The following SPMIP2 variants were observed in gnomAD, a reference collection of about 807,000 sequenced individuals.
The protein encoded by SPMIP2 is sperm microtubule inner protein 2.
the SPMIP2 span, among the ~76,000 whole-genome samples, chr4:158,993,962 TTC>T: frequency 6.6e-6 from 1 of 152,358 alleles, no homozygotes; most frequent in Non-Finnish European, 1.5e-5. Flanking sequence ...CCATAATACC[TTC>T]CTTAACCTTT....
chr4:158,929,939 C>G, the SPMIP2 span, among the ~76,000 whole-genome samples: 1 of 152,110 alleles, frequency 6.6e-6, no homozygotes, highest in East Asian at 1.9e-4. Context: ...CTGAAATATT[C>G]TCTTTAGCAT....
chr4:158,906,837 G>A, the SPMIP2 span: 1 of 151,892 alleles, frequency 6.6e-6, no homozygotes, highest in East Asian at 1.9e-4. Flanking sequence ...ATTGTGTTGA[G>A]ATCCACCGCT....
the SPMIP2 span, among the ~76,000 whole-genome samples, chr4:158,964,098 T>G: frequency 6.6e-6 from 1 of 150,604 alleles, no homozygotes; most frequent in Admixed American, 6.7e-5. Context: ...GAGCTTGCAG[T>G]GAGCCGAGAT....
the SPMIP2 span, among the ~76,000 whole-genome samples, chr4:159,018,514 A>C: frequency 6.6e-6 from 1 of 152,184 alleles, no homozygotes; most frequent in Non-Finnish European, 1.5e-5. Flanking sequence ...AGTGATAGGC[A>C]ATATGTACTG....
At chr4:159,012,294 T>C in the SPMIP2 span, among the ~76,000 whole-genome samples, 1 of 152,102 alleles carries the variant, frequency 6.6e-6, no homozygotes, top group African/African-American at 2.4e-5. Context: ...CACTTAGAGA[T>C]CATGGGCTAT....
the SPMIP2 span, among the ~76,000 whole-genome samples, chr4:158,958,470 A>G: frequency 1.3e-5 from 2 of 152,272 alleles, no homozygotes; most frequent in African/African-American, 4.8e-5. Context: ...TGTTGCTTCA[A>G]TGTCTGCCTC....
chr4:158,921,505 G>A, the SPMIP2 span, among the ~76,000 whole-genome samples: 241 of 152,026 alleles, frequency 1.6e-3, 1 homozygote, highest in African/African-American at 5.7e-3. Flanking sequence ...CTCCCACTTC[G>A]CTCTTTCTCC....
At chr4:159,026,440 A>C in the SPMIP2 span, 1 of 940,942 alleles carries the variant, frequency 1.1e-6, no homozygotes, top group Non-Finnish European at 1.7e-6. Context: ...AAGCACAATA[A>C]CAAGAAAATT....
chr4:158,989,037 C>G, the SPMIP2 span, among the ~76,000 whole-genome samples: 1 of 152,294 alleles, frequency 6.6e-6, no homozygotes, highest in Non-Finnish European at 1.5e-5. Context: ...TTGGCAAAGT[C>G]TCAGGATACA....
At chr4:159,078,347 A>G in the SPMIP2 span, among the ~76,000 whole-genome samples, 1 of 152,230 alleles carries the variant, frequency 6.6e-6, no homozygotes, top group East Asian at 1.9e-4. Flanking sequence ...AGGAATCCAG[A>G]CTAGAACTTG....
the SPMIP2 span, among the ~76,000 whole-genome samples, chr4:158,978,627 T>C: frequency 6.6e-6 from 1 of 152,238 alleles, no homozygotes; most frequent in Non-Finnish European, 1.5e-5. Flanking sequence ...ATATTTAAGA[T>C]ATTTAGCTCT....
At chr4:158,955,660 C>G in the SPMIP2 span, among the ~76,000 whole-genome samples, 1 of 152,168 alleles carries the variant, frequency 6.6e-6, no homozygotes, top group African/African-American at 2.4e-5. Flanking sequence ...CCTGCCTTGG[C>G]CTCCCAAAAT....
At chr4:159,018,926 T>C in the SPMIP2 span, among the ~76,000 whole-genome samples, 8 of 152,088 alleles carry the variant, frequency 5.3e-5, no homozygotes, top group Non-Finnish European at 1.0e-4. Context: ...CCATCTGTAC[T>C]AAAAATACAA....
chr4:159,039,257 G>A, the SPMIP2 span, among the ~76,000 whole-genome samples: 2 of 152,122 alleles, frequency 1.3e-5, no homozygotes, highest in Non-Finnish European at 2.9e-5. Context: ...GGTTTTAAAC[G>A]AGCAGACACT....
the SPMIP2 span, among the ~76,000 whole-genome samples, chr4:159,080,034 T>C: frequency 6.6e-6 from 1 of 152,028 alleles, no homozygotes; most frequent in African/African-American, 2.4e-5. Context: ...AATCAAATAA[T>C]AATAAAAAGT....
the SPMIP2 span, among the ~76,000 whole-genome samples, chr4:159,036,959 C>A: frequency 2.6e-5 from 4 of 152,178 alleles, no homozygotes; most frequent in Non-Finnish European, 4.4e-5. Flanking sequence ...AGGCGCCCAA[C>A]TTTGAACATT....
chr4:159,019,983 G>A, the SPMIP2 span, among the ~76,000 whole-genome samples: 4 of 152,096 alleles, frequency 2.6e-5, no homozygotes, highest in African/African-American at 9.7e-5. Flanking sequence ...TTGCTGGCAT[G>A]GTGGCACATG....
the SPMIP2 span, among the ~76,000 whole-genome samples, chr4:158,976,193 ACAATGGGGTTTT>A: frequency 6.6e-6 from 1 of 152,194 alleles, no homozygotes; most frequent in East Asian, 1.9e-4. Context: ...TTGGGCTGAG[ACAATGGGGTTTT>A]CTAATTATAT....
the SPMIP2 span, among the ~76,000 whole-genome samples, chr4:159,052,681 T>A: frequency 6.6e-6 from 1 of 151,246 alleles, no homozygotes; most frequent in Non-Finnish European, 1.5e-5. Context: ...TTGCCTAGGC[T>A]GGAGTGCAAT....
Sources: gnomAD v4.1 joint callset for allele counts (sites outside exome capture counted in the v4.1 genomes callset) on GRCh38, gnomAD v4.1.1 for gene constraint, MANE v1.5 for transcripts, NCBI Gene and HGNC (gene_info 2026-07-23, HGNC 2026-07-21) for gene names.